TMBIM4: variants seen among roughly 807,000 people sequenced by gnomAD.
TMBIM4 encodes protein lifeguard 4.
Under a neutral mutation model 27.7 loss-of-function variants are expected in TMBIM4, and 28 were observed. The observed-to-expected ratio is 1.01, with a 90% CI of 0.75 to 1.38. TMBIM4 has a LOEUF of 1.38. TMBIM4 is among the 40% of genes most tolerant of loss of function. The pLI, the probability that TMBIM4 is intolerant of heterozygous loss-of-function variation, is 0.00. For synonymous variants in TMBIM4, 115 were observed against 113.1 expected (o/e 1.02, Z -0.11); for missense variants, 265 against 277.5 (o/e 0.95, Z 0.32).
At chr12:66,150,258 C>T (rs996078999) in intron 3 of TMBIM4, among the ~76,000 whole-genome samples, 1 of 152,064 alleles carries the variant, frequency 6.6e-6, no homozygotes, top group African/African-American at 2.4e-5. Flanking sequence ...TGAGACATAG[C>T]TGACTAGGCC....
At chr12:66,165,763 CT>C (rs2052116010) in intron 1 of TMBIM4, among the ~76,000 whole-genome samples, 1 of 152,122 alleles carries the variant, frequency 6.6e-6, no homozygotes, top group Non-Finnish European at 1.5e-5. Context: ...GACTTCTTCA[CT>C]TTAAAATCAG....
intron 1 of TMBIM4, among the ~76,000 whole-genome samples, chr12:66,163,846 C>T (rs747939197): frequency 6.6e-6 from 1 of 152,206 alleles, no homozygotes; most frequent in Non-Finnish European, 1.5e-5. Flanking sequence ...ATGGAGCCTG[C>T]ATTACCCTGA....
At chr12:66,161,954 C>T (rs984185467) in intron 1 of TMBIM4, among the ~76,000 whole-genome samples, 5 of 152,130 alleles carry the variant, frequency 3.3e-5, no homozygotes, top group Admixed American at 1.3e-4. Flanking sequence ...GATAAGGAAT[C>T]TAAGAATCAG....
chr12:66,141,420 A>G (rs1267155400), intron 5 of TMBIM4, among the ~76,000 whole-genome samples: 1 of 152,096 alleles, frequency 6.6e-6, no homozygotes, highest in Admixed American at 6.5e-5. Context: ...ACCTAGAGCA[A>G]CCTCTAATTA....
chr12:66,154,519 GTAT>G (rs2051901382), intron 1 of TMBIM4, among the ~76,000 whole-genome samples: 1 of 152,162 alleles, frequency 6.6e-6, no homozygotes, highest in South Asian at 2.1e-4. Flanking sequence ...AAGAGAAAAA[GTAT>G]TATTCTGAAA....
At chr12:66,157,344 C>T (rs981297013) in intron 1 of TMBIM4, among the ~76,000 whole-genome samples, 1 of 152,128 alleles carries the variant, frequency 6.6e-6, no homozygotes, top group African/African-American at 2.4e-5. Context: ...CTGTGAGTAG[C>T]CTGCCTGGGA....
chr12:66,152,517 A>C (rs1172827354), intron 2 of TMBIM4, 141 bp from the exon 3 acceptor site: 1 of 471,518 alleles, frequency 2.1e-6, no homozygotes, highest in Admixed American at 4.0e-5. Context: ...CCAAACTATC[A>C]AATTATTTTA....
At chr12:66,145,742 A>G in intron 5 of TMBIM4, 99 bp downstream of exon 5, 1 of 677,988 alleles carries the variant, frequency 1.5e-6, no homozygotes. Flanking sequence ...TCCATTTTAA[A>G]AGACAGTACC....
rs1246190064 is a variant in TMBIM4, at chr12:66,144,029, G to T, written c.464+1812C>A. On this transcript the variant is annotated intron_variant, in intron 5 of 6. Transcript: ENST00000358230. ...AACTAATAGCAGTAGATGTGATTCA[G>T]TGGAGAACTGGGCTGTATACCAAGA... Among the ~76,000 whole-genome samples, 4 of 152,194 alleles carry T rather than the reference G, an allele frequency of 2.6e-5. No individual in the cohort carries two copies. The East Asian group carries it at 7.7e-4, about 29-fold the overall frequency.
In TMBIM4 at chr12:66,136,152, TTATC is replaced by T. The variant is rs1276586737; in HGVS notation, c.*1804_*1807del. ...TAATTAAGCACTTAGTTTAGTTTAT[TTATC>T]TATCTCATTTAATCCTTATAACAGC... On this transcript the variant is annotated 3_prime_UTR_variant, in exon 7 of 7. Coordinates refer to ENST00000358230, the MANE Select transcript of TMBIM4 (RefSeq NM_016056.4). The T allele has an allele frequency of 2.0e-5, 3 of 152,052 alleles. No homozygotes were observed. Among genetic ancestry groups the T allele is most frequent in the Non-Finnish European group, 4.4e-5 (3 of 68,008 alleles). 9.4% of individuals were successfully genotyped at this position (152,052 alleles called of 1,614,324 possible).
rs557846093 is a variant in TMBIM4 at position 66,149,941 on chromosome 12, T to A, written c.313-2000A>T. ...AAGATAAGATTCACCTCCTTTCTTATCTTGGTGGATCAGGACCAAAAAACT... is the reference window on the plus strand; with the variant it reads ...AAGATAAGATTCACCTCCTTTCTTAACTTGGTGGATCAGGACCAAAAAACT... On this transcript the variant is annotated intron_variant, in intron 3 of 6. Coordinates refer to ENST00000358230, the MANE Select transcript of TMBIM4 (RefSeq NM_016056.4). Among the ~76,000 whole-genome samples, 9 of 152,276 alleles carry A rather than the reference T, an allele frequency of 5.9e-5. No homozygotes were observed. The East Asian group carries it at 1.5e-3, about 26-fold the overall frequency.
chr12:66,166,714 C>T (rs1445443628), intron 1 of TMBIM4, among the ~76,000 whole-genome samples: 4 of 152,148 alleles, frequency 2.6e-5, no homozygotes, highest in Non-Finnish European at 5.9e-5. Context: ...AATAGTACAG[C>T]CACTTTGTAA....
At chr12:66,138,874 TGAA>T (rs2051621127) in intron 5 of TMBIM4, 105 bp from the exon 6 acceptor site, 2 of 1,335,246 alleles carry the variant, frequency 1.5e-6, no homozygotes, top group East Asian at 5.9e-5. Context: ...GATTTTTTGC[TGAA>T]GAATAACTAA....
rs57096084 is a variant in TMBIM4, at chr12:66,169,791, C to T, written c.97+64G>A. On this transcript the variant is annotated intron_variant, in intron 1 of 6. Coordinates refer to ENST00000358230, the MANE Select transcript of TMBIM4 (RefSeq NM_016056.4). Reference sequence around the variant, plus strand: ...CCGCTCTCCCTCGGAAGCCGGAAGTCGGCTTCTAGAGGCCGAGCAGTGCAG... The same window carrying T: ...CCGCTCTCCCTCGGAAGCCGGAAGTTGGCTTCTAGAGGCCGAGCAGTGCAG... 192 of 1,298,164 alleles carry T rather than the reference C, an allele frequency of 1.5e-4. No homozygotes were observed. In the African/African-American group the frequency reaches 2.7e-3, roughly 18 times the overall value. 80.4% of individuals were successfully genotyped at this position (1,298,164 alleles called of 1,614,324 possible).
Position 66,136,071 on chromosome 12 carries a change from TAAAAAAAAA to T in TMBIM4, c.*1880_*1888del, listed in dbSNP as rs1156929097. On this transcript the variant is annotated 3_prime_UTR_variant, in exon 7 of 7. Coordinates refer to ENST00000358230, the MANE Select transcript of TMBIM4 (RefSeq NM_016056.4). ...AAGAATTATCAATAAAAAAATAAAT[TAAAAAAAAA>T]AAAAAAAAAAAAAAAAGAAAATGGT... is the stretch of plus-strand genomic sequence containing the variant. The T allele has an allele frequency of 3.9e-4, 6 of 15,216 alleles. 1 individual carries two copies. The highest frequency in any genetic ancestry group is 5.5e-4 in the Non-Finnish European group (6 of 10,910). The allele number at this position is 15,216 out of a possible 1,614,324, so 0.9% of individuals were successfully genotyped here.
Position 66,138,086 on chromosome 12 carries a change from G to A in TMBIM4, c.591C>T (p.Asp197=). The A allele has an allele frequency of 6.2e-7, 1 of 1,613,998 alleles. No individual in the cohort carries two copies. Reference sequence around the variant, plus strand: ...ACAGTTTATGCATCAGTGAGTGTGTGTCATAGATGATGAATCCACAGAAAA... The same window carrying A: ...ACAGTTTATGCATCAGTGAGTGTGTATCATAGATGATGAATCCACAGAAAA... The part of the protein sequence containing the change: ...ALLFCGFIIY[D]THSLMHKLSP... The change falls in exon 7 of 7, where the codon GAC becomes GAT. Residue 197 remains aspartate (D), a synonymous_variant. Coordinates refer to ENST00000358230, the MANE Select transcript of TMBIM4 (RefSeq NM_016056.4).
At chr12:66,168,353 G>T (rs547614298) in intron 1 of TMBIM4, among the ~76,000 whole-genome samples, 1 of 152,104 alleles carries the variant, frequency 6.6e-6, no homozygotes, top group Non-Finnish European at 1.5e-5. Flanking sequence ...TTCACAGAGA[G>T]AGAAAGTGAA....
intron 1 of TMBIM4, among the ~76,000 whole-genome samples, chr12:66,158,227 C>A (rs370464027): frequency 0.028 from 3,093 of 111,360 alleles, no homozygotes; most frequent in East Asian, 0.047. Flanking sequence ...CTCCGTCTCA[C>A]AAAAAAAAAA....
At chr12:66,139,352 C>T (rs1478196898) in intron 5 of TMBIM4, among the ~76,000 whole-genome samples, 3 of 152,120 alleles carry the variant, frequency 2.0e-5, no homozygotes, top group African/African-American at 7.2e-5. Flanking sequence ...AAATATGGGA[C>T]TTATCAGCTG....
Sources: allele counts gnomAD v4.1 joint callset (sites outside exome capture counted in the v4.1 genomes callset), GRCh38; gene constraint gnomAD v4.1.1; transcripts MANE v1.5; gene names NCBI Gene and HGNC (gene_info 2026-07-23, HGNC 2026-07-21).